ASB13: variants seen among roughly 807,000 people sequenced by gnomAD.
The protein encoded by ASB13 is ankyrin repeat and SOCS box protein 13.
Under a neutral mutation model 28.8 loss-of-function variants are expected in ASB13, and 33 were observed. The observed-to-expected ratio is 1.15, with a 90% confidence interval of 0.87 to 1.53. ASB13 has a LOEUF of 1.53. ASB13 is among the 40% of genes most tolerant of loss of function. The pLI, the probability that ASB13 is intolerant of heterozygous loss-of-function variation, is 0.00. For missense variants in ASB13, 414 were observed against 390.1 expected, an observed-to-expected ratio of 1.06 and a Z score of -0.52; for synonymous variants, 182 against 172.9, an observed-to-expected ratio of 1.05 and a Z score of -0.41.
At position 5,666,505 on chromosome 10, in the gene ASB13, G is replaced by T; in HGVS notation, c.43+4C>A. 3 of 1,291,068 alleles carry T rather than the reference G, an allele frequency of 2.3e-6. No homozygotes were observed. The highest frequency in any genetic ancestry group is 3.0e-6 in the Non-Finnish European group (3 of 1,014,556). 80.0% of individuals were successfully genotyped at this position (1,291,068 alleles called of 1,614,324 possible). ...GCTCTGACCTCCGCGGCGCCCGCACGTACCCACGTCGCCCAGGAAGCAGCC... is the reference window on the plus strand; with the variant it reads ...GCTCTGACCTCCGCGGCGCCCGCACTTACCCACGTCGCCCAGGAAGCAGCC... On this transcript the variant is annotated splice_donor_region_variant and intron_variant, in intron 1 of 5. Transcript: ENST00000357700.
intron 4 of ASB13, among the ~76,000 whole-genome samples, chr10:5,648,536 A>G (rs61832723): frequency 0.11 from 11,246 of 104,650 alleles, 1,207 homozygotes; most frequent in Non-Finnish European, 0.14. Flanking sequence ...ACACCTACTC[A>G]GGTAAACACC....
At position 5,660,738 on chromosome 10, in the gene ASB13, T is replaced by C. The variant is rs1402499017; in HGVS notation, c.43+5771A>G. Among the ~76,000 whole-genome samples, 2 of 152,148 alleles carry C rather than the reference T, an allele frequency of 1.3e-5. No homozygotes were observed. Among genetic ancestry groups the C allele is most frequent in the Non-Finnish European group, 2.9e-5 (2 of 68,028 alleles). On this transcript the variant is annotated intron_variant, in intron 1 of 5. Coordinates refer to ENST00000357700, the MANE Select transcript of ASB13 (RefSeq NM_024701.4). This position sits in a 1 kb window ranked among gnomAD's most constrained non-coding sequence, Gnocchi z 6.1. ...TGCGGGTTCTACCATCTCATCTTTGTTCCATAGCAAGCCCCCCAATCTTGC... is the reference window on the plus strand; with the variant it reads ...TGCGGGTTCTACCATCTCATCTTTGCTCCATAGCAAGCCCCCCAATCTTGC...
chr10:5,654,029 G>A (rs953724678), intron 1 of ASB13, among the ~76,000 whole-genome samples: 7 of 151,354 alleles, frequency 4.6e-5, no homozygotes, highest in African/African-American at 1.7e-4. Context: ...GACTTGCAGT[G>A]CAATGTGGAA....
At chr10:5,653,084 G>A (rs1466572684) in intron 1 of ASB13, 34 bp from the exon 2 acceptor site, 1 of 1,507,426 alleles carries the variant, frequency 6.6e-7, no homozygotes. Flanking sequence ...CTAAGACCCT[G>A]CCACTTCCAT....
At position 5,662,532 on chromosome 10, in the gene ASB13, A is replaced by AGGGGAG. The variant is rs1554744078; in HGVS notation, c.43+3976_43+3977insCTCCCC. On this transcript the variant is annotated intron_variant, in intron 1 of 5. Transcript: ENST00000357700. ...GCGACAGACTGAGACTCTGTCGAGA[A>AGGGGAG]GGGGGGGGGAGGGGAGGGGAGGGGA... Among the ~76,000 whole-genome samples, 15 of 17,616 alleles carry AGGGGAG rather than the reference A, an allele frequency of 8.5e-4. No individual in the cohort carries two copies. In the East Asian group the frequency reaches 0.015, roughly 18 times the overall value. The allele number at this position is 17,616 out of a possible 152,430, so 11.6% of individuals were successfully genotyped here.
rs929997194 is a variant in ASB13, at chr10:5,645,461, C to T, written c.518-3500G>A. Among the ~76,000 whole-genome samples the T allele has an allele frequency of 3.3e-5, 5 of 152,168 alleles. No individual in the cohort carries two copies. The highest frequency in any genetic ancestry group is 1.2e-4 in the African/African-American group (5 of 41,444). ...CTTCACCATCATAACCGGACTTTCA[C>T]CCTCCCCAGCCCTCCTCCTTTGCAA... is the stretch of plus-strand genomic sequence containing the variant. On this transcript the variant is annotated intron_variant, in intron 4 of 5. Transcript: ENST00000357700. This position sits in a 1 kb window ranked among gnomAD's most constrained non-coding sequence, Gnocchi z 5.4.
chr10:5,657,521 T>C (rs567587345), intron 1 of ASB13, among the ~76,000 whole-genome samples: 1 of 151,914 alleles, frequency 6.6e-6, no homozygotes, highest in Non-Finnish European at 1.5e-5. Flanking sequence ...AAAAACCAAA[T>C]ACGTGTTGGC....
At position 5,649,196 on chromosome 10, in the gene ASB13, C is replaced by T. The variant is rs2131447076; in HGVS notation, c.383-92G>A. 1 of 1,557,924 alleles carries T rather than the reference C, an allele frequency of 6.4e-7. No individual in the cohort carries two copies. The highest frequency in any genetic ancestry group is 8.7e-7 in the Non-Finnish European group (1 of 1,146,018). Reference sequence around the variant, plus strand: ...ACGCGGCAGGGGCAGCAGCCTCCATCCTTGGTGCAGGGCAGGGAAGCCAGG... The same window carrying T: ...ACGCGGCAGGGGCAGCAGCCTCCATTCTTGGTGCAGGGCAGGGAAGCCAGG... On this transcript the variant is annotated intron_variant, in intron 3 of 5. Transcript: ENST00000357700. The surrounding 1 kb of genome is among the most constrained non-coding windows in gnomAD (Gnocchi z 6.4).
rs1835013545 is a variant in ASB13 at position 5,652,979 on chromosome 10, T to C, written c.115A>G (p.Ile39Val). ...RGESLQLQQL[I>V]ESGACVNQVT... Reference sequence around the variant, plus strand: ...TGGTTCACGCAGGCGCCGCTCTCGATCAGCTGTTGCAGCTGCAGGCTCTCA... The same window carrying C: ...TGGTTCACGCAGGCGCCGCTCTCGACCAGCTGTTGCAGCTGCAGGCTCTCA... Residue 39 changes from isoleucine (I) to valine (V), a missense_variant, in exon 2 of 6, where the codon ATC (isoleucine) becomes GTC (valine). Physicochemically the swap from Ile to Val is conservative, Grantham distance 29. Coordinates refer to ENST00000357700, the MANE Select transcript of ASB13 (RefSeq NM_024701.4). This position sits in a 1 kb window ranked among gnomAD's most constrained non-coding sequence, Gnocchi z 5.0. The C allele has an allele frequency of 1.9e-6, 3 of 1,558,664 alleles. No homozygotes were observed. Among genetic ancestry groups the C allele is most frequent in the Admixed American group, 1.9e-5 (1 of 51,554 alleles).
chr10:5,649,408 C>T lies in ASB13; in HGVS notation c.383-304G>A, dbSNP rs986996874. ...TAGAATGGGTCAGGGAAAACTCCCC[C>T]GCTGCCCCCCTGCCCTGTGTCTACC... On this transcript the variant is annotated intron_variant, in intron 3 of 5. Coordinates refer to ENST00000357700, the MANE Select transcript of ASB13 (RefSeq NM_024701.4). This position sits in a 1 kb window ranked among gnomAD's most constrained non-coding sequence, Gnocchi z 6.4. Among the ~76,000 whole-genome samples, 12 of 152,148 alleles carry T rather than the reference C, an allele frequency of 7.9e-5. No individual in the cohort carries two copies. Among genetic ancestry groups the T allele is most frequent in the African/African-American group, 2.7e-4 (11 of 41,426 alleles).
rs901690397 is a variant in ASB13 at position 5,641,586 on chromosome 10, C to G, written c.709+184G>C. On this transcript the variant is annotated intron_variant, in intron 5 of 5. Coordinates refer to ENST00000357700, the MANE Select transcript of ASB13 (RefSeq NM_024701.4). This position sits in a 1 kb window ranked among gnomAD's most constrained non-coding sequence, Gnocchi z 8.4. ...CTCCACGCCACGGGCCACAGGGAAC[C>G]CAGGGAGAGCTGGGGCAACAGCACA... Among the ~76,000 whole-genome samples the G allele has an allele frequency of 6.6e-6, 1 of 152,064 alleles. No individual in the cohort carries two copies. Among genetic ancestry groups the G allele is most frequent in the Non-Finnish European group, 1.5e-5 (1 of 68,002 alleles).
chr10:5,646,466 G>GC (rs1834887553), intron 4 of ASB13, among the ~76,000 whole-genome samples: 1 of 152,218 alleles, frequency 6.6e-6, no homozygotes, highest in Non-Finnish European at 1.5e-5. Flanking sequence ...TGGCGTGTAG[G>GC]CCTGAAGCCA....
At position 5,651,488 on chromosome 10, in the gene ASB13, G is replaced by A. The variant is rs1038494069; in HGVS notation, c.232-125C>T. The A allele has an allele frequency of 1.8e-6, 2 of 1,127,648 alleles. No individual in the cohort carries two copies. The highest frequency in any genetic ancestry group is 1.6e-5 in the South Asian group (1 of 61,230). The allele number at this position is 1,127,648 out of a possible 1,614,324, so 69.9% of individuals were successfully genotyped here. A position where few individuals can be genotyped will look rare whatever the true frequency, so the allele number is the denominator to read the frequency against. Reference sequence around the variant, plus strand: ...AAGCACCGGTTTGCTTTGCTATTATGTGCTAGGCAACGACACTGAAAGAGA... The same window carrying A: ...AAGCACCGGTTTGCTTTGCTATTATATGCTAGGCAACGACACTGAAAGAGA... On this transcript the variant is annotated intron_variant, in intron 2 of 5. Coordinates refer to ENST00000357700, the MANE Select transcript of ASB13 (RefSeq NM_024701.4). This position sits in a 1 kb window ranked among gnomAD's most constrained non-coding sequence, Gnocchi z 5.1.
chr10:5,663,839 C>G lies in ASB13; in HGVS notation c.43+2670G>C, dbSNP rs954361629. On this transcript the variant is annotated intron_variant, in intron 1 of 5. Transcript: ENST00000357700. This position sits in a 1 kb window ranked among gnomAD's most constrained non-coding sequence, Gnocchi z 4.9. ...CGCCCACTCCAAGTAACTCTCTACC[C>G]TTTAGAAATGCCCTGGACTGCTACC... Among the ~76,000 whole-genome samples, 1 of 152,130 alleles carries G rather than the reference C, an allele frequency of 6.6e-6. No homozygotes were observed. Among genetic ancestry groups the G allele is most frequent in the Non-Finnish European group, 1.5e-5 (1 of 68,018 alleles).
At chr10:5,646,894 G>C (rs938257947) in intron 4 of ASB13, among the ~76,000 whole-genome samples, 1 of 152,184 alleles carries the variant, frequency 6.6e-6, no homozygotes, top group East Asian at 1.9e-4. Flanking sequence ...CCAGAGGAAC[G>C]GCTCGGCTGG....
rs1335017028 is a variant in ASB13, at chr10:5,650,540, T to G, written c.382+673A>C. 6.6e-6 allele frequency among the ~76,000 whole-genome samples: 1 copy of G among 152,202 alleles called. No individual in the cohort carries two copies. Among genetic ancestry groups the G allele is most frequent in the South Asian group, 2.1e-4 (1 of 4,826 alleles). ...CAAAGGCCATGCTGGCCGGTCAAGATATAAGCCACAGTTTGCAACCTCTGC... is the reference window on the plus strand; with the variant it reads ...CAAAGGCCATGCTGGCCGGTCAAGAGATAAGCCACAGTTTGCAACCTCTGC... On this transcript the variant is annotated intron_variant, in intron 3 of 5. Transcript: ENST00000357700. This position sits in a 1 kb window ranked among gnomAD's most constrained non-coding sequence, Gnocchi z 6.0.
chr10:5,665,779 C>T (rs1044384909), intron 1 of ASB13, among the ~76,000 whole-genome samples: 1 of 152,040 alleles, frequency 6.6e-6, no homozygotes, highest in Admixed American at 6.6e-5. Context: ...CTGTTTTTAC[C>T]AGGATGAATA....
At position 5,646,899 on chromosome 10, in the gene ASB13, G is replaced by A. The variant is rs191968821; in HGVS notation, c.517+2071C>T. On this transcript the variant is annotated intron_variant, in intron 4 of 5. Transcript: ENST00000357700. ...GATCCAGCTGCCAGAGGAACGGCTC[G>A]GCTGGAAACGCTTACACCTGCTTCC... 1.7e-3 allele frequency among the ~76,000 whole-genome samples: 259 copies of A among 152,178 alleles called. 1 individual carries two copies. Among genetic ancestry groups the A allele is most frequent in the Non-Finnish European group, 1.5e-3 (100 of 68,004 alleles).
rs745895070 is a variant in ASB13, at chr10:5,641,914, C to T, written c.565G>A (p.Ala189Thr). 5.4e-5 allele frequency: 87 copies of T among 1,613,244 alleles called. No individual in the cohort carries two copies. Among genetic ancestry groups the T allele is most frequent in the African/African-American group, 6.7e-5 (5 of 74,914 alleles). Residue 189 changes from alanine (A) to threonine (T), a missense_variant, in exon 5 of 6, where the codon GCG becomes ACG. Transcript: ENST00000357700. This position sits in a 1 kb window ranked among gnomAD's most constrained non-coding sequence, Gnocchi z 8.4. Reference protein sequence around the residue: ...AKLHETALHHAAKVKNVDLIE... With the variant: ...AKLHETALHHTAKVKNVDLIE... ...AGGTCAACATTCTTGACCTTGGCCG[C>T]GTGGTGAAGGGCAGTCTCATGAAGC...
Sources: allele counts gnomAD v4.1 joint callset (sites outside exome capture counted in the v4.1 genomes callset), GRCh38; gene constraint gnomAD v4.1.1; non-coding constraint Gnocchi (gnomAD v3.1); transcripts MANE v1.5; gene names NCBI Gene and HGNC (gene_info 2026-07-23, HGNC 2026-07-21).